The following APPL1 variants were observed in gnomAD, a reference collection of about 807,000 sequenced individuals.
The protein encoded by APPL1 is adaptor protein, phosphotyrosine interacting with PH domain and leucine zipper 1.
In APPL1, 42 loss-of-function variants were observed where a neutral mutation model predicts 106.8. The ratio of observed to expected loss-of-function variants is 0.39; its 90% CI spans 0.31 to 0.51. APPL1 has a LOEUF of 0.51. Ranked by LOEUF, APPL1 falls within the 20% of genes least tolerant of loss-of-function variation. APPL1 has a pLI of 0.75. For missense variants in APPL1, 769 were observed against 858.2 expected (o/e 0.90, Z 1.30); for synonymous variants, 263 against 281.8 (o/e 0.93, Z 0.67).
Position 57,237,494 on chromosome 3 carries a change from T to A in APPL1, c.156T>A (p.Asn52Lys). Residue 52 changes from asparagine (N) to lysine (K), a missense_variant and splice_region_variant, in exon 3 of 22, where the codon AAT (asparagine) becomes AAA (lysine). Coordinates refer to ENST00000288266, the MANE Select transcript of APPL1 (RefSeq NM_012096.3). ...TAATTTGAATGCTTTTTCCATAGAA[T>A]GAATTAAGTGCAGCAACACACCTGA... ...QAMHRIYDAQ[N>K]ELSAATHLTS... is the part of the protein sequence containing the mutation. The A allele has an allele frequency of 6.3e-7, 1 of 1,599,242 alleles. No homozygotes were observed. Among genetic ancestry groups the A allele is most frequent in the Non-Finnish European group, 8.5e-7 (1 of 1,173,912 alleles).
At chr3:57,242,977 C>T in intron 7 of APPL1, 63 bp downstream of exon 7, 1 of 1,252,710 alleles carries the variant, frequency 8.0e-7, no homozygotes, top group East Asian at 2.3e-5. Flanking sequence ...TTTAGTTTTT[C>T]CTCTATCAAA....
intron 5 of APPL1, among the ~76,000 whole-genome samples, chr3:57,241,809 TG>T (rs2060747903): frequency 6.6e-6 from 1 of 152,212 alleles, no homozygotes; most frequent in Non-Finnish European, 1.5e-5. Context: ...TGCATGATTC[TG>T]GCACTAAATC....
chr3:57,241,146 A>T (rs1292214132), intron 5 of APPL1, among the ~76,000 whole-genome samples: 1 of 152,164 alleles, frequency 6.6e-6, no homozygotes, highest in African/African-American at 2.4e-5. Flanking sequence ...GTCTTTAAGG[A>T]GAGACACAAT....
At chr3:57,251,212 G>T (rs2060802852) in intron 11 of APPL1, among the ~76,000 whole-genome samples, 1 of 150,258 alleles carries the variant, frequency 6.7e-6, no homozygotes, top group Admixed American at 6.6e-5. Flanking sequence ...AAATAAATTT[G>T]ACCTTTACTC....
intron 12 of APPL1, 119 bp downstream of exon 12, chr3:57,252,430 TTC>T (rs1430386526): frequency 4.5e-6 from 3 of 669,294 alleles, no homozygotes; most frequent in South Asian, 2.3e-5. Flanking sequence ...TTAAAAATCT[TTC>T]TTTTTCTTTT....
In APPL1 at chr3:57,244,635, T is replaced by C. The variant is rs76251969; in HGVS notation, c.475-1441T>C. On this transcript the variant is annotated intron_variant, in intron 7 of 21. Transcript: ENST00000288266. ...ACAATAAAGGAAATGTTAGGAGATA[T>C]GGCAGAAAGAGTAAGAAGTATATTA... Among the ~76,000 whole-genome samples, 1,738 of 152,286 alleles carry C rather than the reference T, an allele frequency of 0.011. 69 individuals carry two copies. The East Asian group carries it at 0.13, about 12-fold the overall frequency.
Position 57,248,303 on chromosome 3 carries a change from CTGTTAAT to C in APPL1, c.816_822del (p.Val273GlufsTer3). ...CCTGACCCAGACCCCACCAAATTTC[CTGTTAAT>C]CGAAATTTAACCCGAAAGGCTGGAT... is the stretch of plus-strand genomic sequence containing the variant. On this transcript the variant is annotated frameshift_variant, in exon 10 of 22. Coordinates refer to ENST00000288266, the MANE Select transcript of APPL1 (RefSeq NM_012096.3). LOFTEE classifies it high-confidence loss of function. 1.2e-6 allele frequency: 2 copies of C among 1,614,136 alleles called. No individual in the cohort carries two copies. The highest frequency in any genetic ancestry group is 1.7e-6 in the Non-Finnish European group (2 of 1,180,016).
chr3:57,238,217 C>G, intron 4 of APPL1, 101 bp downstream of exon 4: 3 of 799,154 alleles, frequency 3.8e-6, no homozygotes, highest in Non-Finnish European at 1.9e-6. Context: ...AAAGAGATGA[C>G]TAAAGAGGAA....
At chr3:57,251,404 A>T (rs72877613) in intron 11 of APPL1, among the ~76,000 whole-genome samples, 1,879 of 151,510 alleles carry the variant, frequency 0.012, 27 homozygotes, top group African/African-American at 0.036. Flanking sequence ...GGTGCCTGTA[A>T]TCCTACCTAC....
At chr3:57,268,316 T>A in intron 20 of APPL1, 82 bp from the exon 21 acceptor site, 1 of 1,328,718 alleles carries the variant, frequency 7.5e-7, no homozygotes, top group South Asian at 1.6e-5. Context: ...ATTGAAAGGT[T>A]ACCATGTGAT....
chr3:57,230,928 G>A (rs1474747166), intron 1 of APPL1, among the ~76,000 whole-genome samples: 1 of 151,836 alleles, frequency 6.6e-6, no homozygotes, highest in African/African-American at 2.4e-5. Flanking sequence ...ATGGAGTTTC[G>A]CTCTTGTCGC....
Position 57,269,648 on chromosome 3 carries a change from T to C in APPL1, c.2091T>C (p.Asp697=), listed in dbSNP as rs1446854497. The change falls in exon 22 of 22, where the codon GAT becomes GAC. Residue 697 remains aspartate (D), a synonymous_variant. Coordinates refer to ENST00000288266, the MANE Select transcript of APPL1 (RefSeq NM_012096.3). The part of the protein sequence containing the change: ...VLSSSQSEES[D]LGEGGKKRES... The stretch of plus-strand genomic sequence containing the variant: ...GCAGTAGCCAGTCAGAAGAGAGTGA[T>C]TTGGGAGAAGGAGGAAAGAAGAGAG... 2.5e-6 allele frequency: 4 copies of C among 1,613,992 alleles called. No individual in the cohort carries two copies. The highest frequency in any genetic ancestry group is 1.6e-4 in the Middle Eastern group (1 of 6,062).
chr3:57,262,523 C>G (rs2060872334), intron 19 of APPL1, among the ~76,000 whole-genome samples: 1 of 146,238 alleles, frequency 6.8e-6, no homozygotes, highest in African/African-American at 2.5e-5. Flanking sequence ...TCCCAAGTAG[C>G]TGGGACTACA....
chr3:57,237,903 A>G, intron 3 of APPL1, 142 bp from the exon 4 acceptor site: 3 of 635,122 alleles, frequency 4.7e-6, no homozygotes, highest in South Asian at 4.5e-5. Flanking sequence ...TATACATTAC[A>G]CAATTTTAGT....
At chr3:57,258,249 C>G (rs2060847616) in intron 15 of APPL1, among the ~76,000 whole-genome samples, 1 of 152,160 alleles carries the variant, frequency 6.6e-6, no homozygotes, top group African/African-American at 2.4e-5. Flanking sequence ...CTTTGACCTT[C>G]TGGGCTCAAG....
chr3:57,249,221 CATATTT>C lies in APPL1; in HGVS notation c.864-130_864-125del, dbSNP rs776351848. ...ATGAATTTATTTTAGAGACTGAAAGCATATTTATATTTATTTTCTTGGCATCTTGGT... is the reference window on the plus strand; with the variant it reads ...ATGAATTTATTTTAGAGACTGAAAGCATATTTATTTTCTTGGCATCTTGGT... On this transcript the variant is annotated intron_variant, in intron 10 of 21. Coordinates refer to ENST00000288266, the MANE Select transcript of APPL1 (RefSeq NM_012096.3). 1.0e-3 allele frequency: 746 copies of C among 738,656 alleles called. 3 individuals carry two copies. Among genetic ancestry groups the C allele is most frequent in the Non-Finnish European group, 1.4e-3 (636 of 457,764 alleles). 45.8% of individuals were successfully genotyped at this position (738,656 alleles called of 1,614,324 possible).
intron 18 of APPL1, 192 bp from the exon 19 acceptor site, chr3:57,260,436 A>C (rs1342316440): frequency 3.6e-6 from 2 of 559,056 alleles, no homozygotes. Context: ...GTAATATTCA[A>C]CAACCTTTTT....
chr3:57,249,792 A>T (rs2060793730), intron 11 of APPL1, among the ~76,000 whole-genome samples: 1 of 152,164 alleles, frequency 6.6e-6, no homozygotes, highest in Non-Finnish European at 1.5e-5. Context: ...CATGTTAGGG[A>T]ACTGGAACTG....
intron 5 of APPL1, among the ~76,000 whole-genome samples, 199 bp downstream of exon 5, chr3:57,240,751 T>C (rs2060741506): frequency 6.6e-6 from 1 of 152,214 alleles, no homozygotes; most frequent in African/African-American, 2.4e-5. Context: ...AGATATCCCC[T>C]CTTTTGAGAA....
Sources: allele counts gnomAD v4.1 joint callset (sites outside exome capture counted in the v4.1 genomes callset), GRCh38; gene constraint gnomAD v4.1.1; transcripts MANE v1.5; gene names NCBI Gene and HGNC (gene_info 2026-07-23, HGNC 2026-07-21).